SLC39A12: variants seen among roughly 807,000 people sequenced by gnomAD.
SLC39A12 encodes solute carrier family 39 member 12.
A neutral mutation model predicts 71.1 loss-of-function variants in SLC39A12; 63 were observed. That is an observed-to-expected ratio of 0.89 (90% CI 0.72 to 1.09). The LOEUF (loss-of-function observed/expected upper bound fraction) is 1.09. Among genes scored for constraint, SLC39A12 ranks in the 50% least tolerant of loss-of-function variants. The pLI is 0.00. For synonymous variants in SLC39A12, 351 were observed against 301.3 expected (o/e 1.16, Z -1.71); for missense variants, 892 against 812.6 (o/e 1.10, Z -1.19).
At chr10:18,041,279 AT>A (rs1169620858) in intron 12 of SLC39A12, among the ~76,000 whole-genome samples, 1 of 151,942 alleles carries the variant, frequency 6.6e-6, no homozygotes, top group Non-Finnish European at 1.5e-5. Context: ...TTCTCTGAGA[AT>A]AAAATATAGC....
chr10:18,020,592 A>G (rs935853391), intron 12 of SLC39A12, among the ~76,000 whole-genome samples: 1 of 152,042 alleles, frequency 6.6e-6, no homozygotes, highest in South Asian at 2.1e-4. Context: ...CACCAGCAGT[A>G]TATTAGCATT....
chr10:18,019,965 G>C (rs192580196), intron 12 of SLC39A12, among the ~76,000 whole-genome samples: 1 of 151,936 alleles, frequency 6.6e-6, no homozygotes, highest in Non-Finnish European at 1.5e-5. Context: ...CTGATTTTCT[G>C]CCTGCTAGAT....
chr10:18,038,054 A>C (rs1490441939), intron 12 of SLC39A12, among the ~76,000 whole-genome samples: 2 of 137,194 alleles, frequency 1.5e-5, no homozygotes, highest in Non-Finnish European at 1.6e-5. Flanking sequence ...AAAAAAAAGC[A>C]CAGCTAACTG....
intron 12 of SLC39A12, among the ~76,000 whole-genome samples, chr10:18,007,726 A>G (rs145500342): frequency 6.6e-6 from 1 of 152,106 alleles, no homozygotes; most frequent in Non-Finnish European, 1.5e-5. Context: ...GGCATTTGTA[A>G]GTTGTCATGG....
intron 12 of SLC39A12, among the ~76,000 whole-genome samples, chr10:18,018,734 G>C (rs570288485): frequency 2.6e-5 from 4 of 152,126 alleles, no homozygotes; most frequent in Non-Finnish European, 5.9e-5. Flanking sequence ...AATCCCTCTT[G>C]ATTGTAGTTA....
intron 6 of SLC39A12, among the ~76,000 whole-genome samples, chr10:17,984,312 A>C (rs969071498): frequency 6.6e-6 from 1 of 152,252 alleles, no homozygotes; most frequent in Admixed American, 6.5e-5. Context: ...CTCTGAAGTT[A>C]TGAAACATTC....
chr10:18,021,965 A>C (rs377476766), intron 12 of SLC39A12, among the ~76,000 whole-genome samples: 31 of 152,316 alleles, frequency 2.0e-4, no homozygotes, highest in African/African-American at 6.7e-4. Flanking sequence ...TCTGGCTTGT[A>C]GGGTTTCTGC....
At chr10:18,000,847 C>T (rs1211567130) in intron 11 of SLC39A12, 22 bp downstream of exon 11, 2 of 1,608,840 alleles carry the variant, frequency 1.2e-6, no homozygotes, top group Admixed American at 1.7e-5. Flanking sequence ...AATGGAATTA[C>T]TGTTTCTGGC....
At chr10:18,019,623 C>T (rs139383692) in intron 12 of SLC39A12, among the ~76,000 whole-genome samples, 352 of 151,988 alleles carry the variant, frequency 2.3e-3, no homozygotes, top group African/African-American at 7.6e-3. Context: ...TTCATTCATT[C>T]GAAACTTTTT....
chr10:17,968,937 C>G (rs1420811004), intron 4 of SLC39A12, among the ~76,000 whole-genome samples: 2 of 152,112 alleles, frequency 1.3e-5, no homozygotes, highest in African/African-American at 4.8e-5. Context: ...ATCCCCCTCC[C>G]TCAGTACATT....
intron 4 of SLC39A12, among the ~76,000 whole-genome samples, chr10:17,967,882 G>A (rs1474766586): frequency 2.1e-5 from 2 of 96,522 alleles, no homozygotes; most frequent in Non-Finnish European, 3.9e-5. Flanking sequence ...GCGAGACTCC[G>A]CCTCAAAAAA....
At chr10:18,028,983 G>A (rs911202789) in intron 12 of SLC39A12, among the ~76,000 whole-genome samples, 1 of 151,934 alleles carries the variant, frequency 6.6e-6, no homozygotes, top group African/African-American at 2.4e-5. Context: ...GCCTCCCAAA[G>A]TGCTGGGATT....
intron 5 of SLC39A12, among the ~76,000 whole-genome samples, chr10:17,980,387 C>T (rs961228331): frequency 6.6e-6 from 1 of 152,054 alleles, no homozygotes; most frequent in South Asian, 2.1e-4. Context: ...TTGCAAACCA[C>T]TGATTTTTAA....
At chr10:17,998,301 G>GTA (rs35929792) in intron 10 of SLC39A12, among the ~76,000 whole-genome samples, 75,256 of 151,904 alleles carry the variant, frequency 0.5, 19,079 homozygotes, top group Non-Finnish European at 0.55. Context: ...CTAGCAGAGT[G>GTA]TAATATTGGC....
chr10:18,019,231 G>T (rs1438478091), intron 12 of SLC39A12, among the ~76,000 whole-genome samples: 1 of 151,994 alleles, frequency 6.6e-6, no homozygotes, highest in African/African-American at 2.4e-5. Context: ...CACAGAATCT[G>T]TAGTGACATC....
At chr10:17,955,160 G>A (rs1236203126) in intron 2 of SLC39A12, among the ~76,000 whole-genome samples, 13 of 152,138 alleles carry the variant, frequency 8.5e-5, no homozygotes, top group Admixed American at 8.5e-4. Flanking sequence ...TTTGCCAGGG[G>A]GGAAGGTAAA....
chr10:17,953,576 C>T, intron 2 of SLC39A12, 39 bp downstream of exon 2: 1 of 1,599,338 alleles, frequency 6.3e-7, no homozygotes, highest in Non-Finnish European at 8.5e-7. Flanking sequence ...CAGGGCATGT[C>T]CAAAAGAAAG....
rs1835439682 is a variant in SLC39A12, at chr10:17,987,754, A to C, written c.1269+103A>C. ...AATTTTACTGAGACTTCAAAGAGAG[A>C]GTATCGTGGCTGGTGTTTTCCTTAA... On this transcript the variant is annotated intron_variant, in intron 7 of 12. Coordinates refer to ENST00000377369, the MANE Select transcript of SLC39A12 (RefSeq NM_001145195.2). 4.2e-6 allele frequency: 5 copies of C among 1,179,426 alleles called. No individual in the cohort carries two copies. The Admixed American group carries it at 1.0e-4, about 24-fold the overall frequency. 73.1% of individuals were successfully genotyped at this position (1,179,426 alleles called of 1,614,324 possible). A position where few individuals can be genotyped will look rare whatever the true frequency, so the allele number is the denominator to read the frequency against.
intron 12 of SLC39A12, among the ~76,000 whole-genome samples, chr10:18,028,539 T>C (rs759056243): frequency 2.0e-5 from 3 of 151,394 alleles, no homozygotes; most frequent in African/African-American, 7.4e-5. Flanking sequence ...GTTTTGTGGA[T>C]CATCCTTCTT....
Sources: gnomAD v4.1 joint callset for allele counts (sites outside exome capture counted in the v4.1 genomes callset) on GRCh38, gnomAD v4.1.1 for gene constraint, MANE v1.5 for transcripts, NCBI Gene and HGNC (gene_info 2026-07-23, HGNC 2026-07-21) for gene names.